Variants in WDR27 observed in about 807,000 individuals in gnomAD.
WDR27 encodes WD repeat domain 27.
WDR27 carries 100 observed loss-of-function variants against 114.4 expected under a neutral mutation model. The ratio of observed to expected loss-of-function variants is 0.87; its 90% CI spans 0.74 to 1.03. The LOEUF (loss-of-function observed/expected upper bound fraction) is 1.03, where lower values mean the gene tolerates loss of function less well. Among genes scored for constraint, WDR27 ranks in the 50% least tolerant of loss-of-function variants. WDR27 has a pLI of 0.00. For missense variants in WDR27, 1,129 were observed against 1,092.9 expected (o/e 1.03, Z -0.47); for synonymous variants, 449 against 423.1 (o/e 1.06, Z -0.75).
downstream of WDR27, among the ~76,000 whole-genome samples, chr6:169,453,775 G>A (rs183717850): frequency 2.6e-5 from 4 of 152,280 alleles, no homozygotes; most frequent in East Asian, 7.7e-4. Context: ...ATATGATACA[G>A]ATTAGTAAGA....
chr6:169,567,601 G>T (rs530041007), intron 25 of WDR27, among the ~76,000 whole-genome samples: 277 of 152,264 alleles, frequency 1.8e-3, no homozygotes, highest in African/African-American at 6.2e-3. Context: ...ATAACCACAA[G>T]CAAGACTGAA....
At chr6:169,655,950 C>T (rs1824062681) in intron 13 of WDR27, among the ~76,000 whole-genome samples, 1 of 152,174 alleles carries the variant, frequency 6.6e-6, no homozygotes. Flanking sequence ...TCTCAATCTC[C>T]TGACCTCGTG....
intron 25 of WDR27, among the ~76,000 whole-genome samples, chr6:169,479,492 C>A (rs1381322573): frequency 6.6e-6 from 1 of 152,152 alleles, no homozygotes; most frequent in Admixed American, 6.5e-5. Context: ...AACATATATG[C>A]ACTCCAGACA....
intron 15 of WDR27, among the ~76,000 whole-genome samples, chr6:169,648,533 C>T (rs1024238960): frequency 2.6e-5 from 4 of 152,226 alleles, no homozygotes; most frequent in Non-Finnish European, 4.4e-5. Context: ...TCAGGCAGAA[C>T]GTGGCAGGAC....
At chr6:169,631,433 G>A (rs1240624942) in intron 21 of WDR27, among the ~76,000 whole-genome samples, 2 of 151,876 alleles carry the variant, frequency 1.3e-5, no homozygotes, top group Non-Finnish European at 2.9e-5. Context: ...GGGTGGGGGG[G>A]TGGAAGATTA....
At chr6:169,560,557 C>G (rs543275204) in intron 25 of WDR27, among the ~76,000 whole-genome samples, 1 of 152,312 alleles carries the variant, frequency 6.6e-6, no homozygotes, top group Admixed American at 6.5e-5. Flanking sequence ...CGGGCACAGC[C>G]AGGTCCAAGG....
rs576477333 is a variant in WDR27 at position 169,529,157 on chromosome 6, A to C, written c.2645+43262T>G. Reference sequence around the variant, plus strand: ...GAATTATATGCAACCATCATAACTAAGGAGGTGAAAAATCAGGCTAAAAAA... The same window carrying C: ...GAATTATATGCAACCATCATAACTACGGAGGTGAAAAATCAGGCTAAAAAA... On this transcript the variant is annotated intron_variant, in intron 25 of 25. Transcript: ENST00000448612. Among the ~76,000 whole-genome samples, 4 of 152,308 alleles carry C rather than the reference A, an allele frequency of 2.6e-5. No homozygotes were observed. The East Asian group carries it at 5.8e-4, about 22-fold the overall frequency.
chr6:169,666,992 C>T (rs866399312), intron 6 of WDR27, 144 bp downstream of exon 6: 35 of 1,273,670 alleles, frequency 2.7e-5, no homozygotes, highest in African/African-American at 9.3e-5. Flanking sequence ...CCTGTGTGGA[C>T]GGGAGTGAAG....
intron 23 of WDR27, among the ~76,000 whole-genome samples, chr6:169,587,990 C>T (rs540914637): frequency 3.3e-5 from 5 of 152,360 alleles, no homozygotes; most frequent in African/African-American, 1.2e-4. Context: ...TCCAGGGGCA[C>T]TTCCTATGGG....
At chr6:169,437,425 A>C in the WDR27 span, among the ~76,000 whole-genome samples, 2 of 152,162 alleles carry the variant, frequency 1.3e-5, no homozygotes, top group African/African-American at 4.8e-5. Flanking sequence ...CTGTTTTTTT[A>C]CATTTTCAAC....
At chr6:169,553,408 T>C (rs999162419) in intron 25 of WDR27, among the ~76,000 whole-genome samples, 3 of 152,310 alleles carry the variant, frequency 2.0e-5, no homozygotes, top group Non-Finnish European at 4.4e-5. Context: ...CAAATTTTCA[T>C]TGAATCTTTA....
intron 12 of WDR27, among the ~76,000 whole-genome samples, chr6:169,658,713 T>C (rs1472447463): frequency 6.6e-6 from 1 of 150,376 alleles, no homozygotes; most frequent in Non-Finnish European, 1.5e-5. Context: ...AGATGGAGTC[T>C]CGCTCTGTCA....
chr6:169,665,994 A>T (rs1182388402), intron 6 of WDR27, among the ~76,000 whole-genome samples: 2 of 152,260 alleles, frequency 1.3e-5, no homozygotes, highest in African/African-American at 4.8e-5. Flanking sequence ...CTTAGTGATG[A>T]AAACAGCAAG....
At chr6:169,582,626 T>A (rs1324838559) in intron 24 of WDR27, among the ~76,000 whole-genome samples, 1 of 152,124 alleles carries the variant, frequency 6.6e-6, no homozygotes, top group African/African-American at 2.4e-5. Flanking sequence ...AAAAGAAACT[T>A]TTCCAGATTC....
At chr6:169,623,504 T>C (rs897273822) in intron 21 of WDR27, among the ~76,000 whole-genome samples, 3 of 152,278 alleles carry the variant, frequency 2.0e-5, no homozygotes, top group African/African-American at 7.2e-5. Flanking sequence ...GGCTCAGCTG[T>C]GGCCCTCAGC....
intron 2 of WDR27, among the ~76,000 whole-genome samples, chr6:169,678,009 C>G (rs1213696290): frequency 6.6e-6 from 1 of 152,230 alleles, no homozygotes; most frequent in Non-Finnish European, 1.5e-5. Flanking sequence ...AGGAGTGGAG[C>G]CTTCACAGAG....
intron 21 of WDR27, among the ~76,000 whole-genome samples, chr6:169,615,053 T>TA (rs1285279319): frequency 4.7e-5 from 7 of 149,236 alleles, no homozygotes; most frequent in South Asian, 2.1e-4. Context: ...GAAGAAGAAA[T>TA]AAAAAAACAA....
At chr6:169,577,534 G>A (rs9478060) in intron 24 of WDR27, among the ~76,000 whole-genome samples, 46,196 of 151,998 alleles carry the variant, frequency 0.3, 7,571 homozygotes, top group South Asian at 0.4. Flanking sequence ...GCGGGGAGAT[G>A]GTCGGAGTGA....
intron 21 of WDR27, among the ~76,000 whole-genome samples, chr6:169,624,680 T>C (rs1450612158): frequency 1.3e-5 from 2 of 152,178 alleles, no homozygotes; most frequent in Non-Finnish European, 2.9e-5. Flanking sequence ...ACCAATTTAA[T>C]TAAATAATTT....
Sources: gnomAD v4.1 joint callset for allele counts (sites outside exome capture counted in the v4.1 genomes callset) on GRCh38, gnomAD v4.1.1 for gene constraint, MANE v1.5 for transcripts, NCBI Gene and HGNC (gene_info 2026-07-23, HGNC 2026-07-21) for gene names.